PDHX: variants seen among roughly 807,000 people sequenced by gnomAD.
The protein encoded by PDHX is pyruvate dehydrogenase protein X component, mitochondrial.
PDHX carries 33 observed loss-of-function variants against 55.3 expected under a neutral mutation model. The ratio of observed to expected loss-of-function variants is 0.60; its 90% CI spans 0.45 to 0.80. The LOEUF (loss-of-function observed/expected upper bound fraction) is 0.80, where lower values mean the gene tolerates loss of function less well. Ranked by LOEUF, PDHX falls within the 30% of genes least tolerant of loss-of-function variation. The pLI is 0.00. For synonymous variants in PDHX, 226 were observed against 219.4 expected (o/e 1.03, Z -0.27); for missense variants, 622 against 619.9 (o/e 1.00, Z -0.04).
chr11:34,954,044 A>C (rs1854845759), intron 3 of PDHX, among the ~76,000 whole-genome samples: 1 of 152,238 alleles, frequency 6.6e-6, no homozygotes, highest in South Asian at 2.1e-4. Context: ...TAAGATAAAC[A>C]GTATACATTG....
intron 2 of PDHX, among the ~76,000 whole-genome samples, chr11:34,939,896 C>T (rs1336736488): frequency 6.6e-6 from 1 of 151,988 alleles, no homozygotes; most frequent in East Asian, 1.9e-4. Flanking sequence ...CCCACAATTT[C>T]AAAATCTTTT....
intron 1 of PDHX, among the ~76,000 whole-genome samples, chr11:34,923,609 A>C (rs1013282853): frequency 2.0e-5 from 3 of 147,650 alleles, no homozygotes; most frequent in Admixed American, 2.0e-4. Context: ...ACTAGTACAG[A>C]TTTTTTTGTT....
At chr11:34,941,860 G>GCT (rs1343991723) in intron 2 of PDHX, 1 of 154,528 alleles carries the variant, frequency 6.5e-6, no homozygotes, top group East Asian at 1.9e-4. Context: ...CTGGGGAGCG[G>GCT]CCCCCGGGTG....
intron 2 of PDHX, among the ~76,000 whole-genome samples, chr11:34,942,520 G>A (rs146798924): frequency 5.3e-4 from 80 of 152,274 alleles, no homozygotes; most frequent in African/African-American, 1.9e-3. Flanking sequence ...ACTCATATTT[G>A]AATTAGGAGA....
chr11:34,915,941 G>A (rs1018892724), upstream of PDHX: 26 of 527,296 alleles, frequency 4.9e-5, no homozygotes, highest in African/African-American at 5.1e-4. Context: ...AATACCCGGT[G>A]AGGTCACCTA....
At chr11:34,958,221 A>C (rs555116713) in intron 4 of PDHX, among the ~76,000 whole-genome samples, 13 of 152,292 alleles carry the variant, frequency 8.5e-5, no homozygotes, top group African/African-American at 3.1e-4. Context: ...ATCTTCATAA[A>C]GTAGACCTCT....
chr11:34,920,122 A>G (rs1051783757), intron 1 of PDHX, among the ~76,000 whole-genome samples: 1 of 152,228 alleles, frequency 6.6e-6, no homozygotes, highest in African/African-American at 2.4e-5. Flanking sequence ...CAGAGACCAG[A>G]GTGATCATTA....
intron 2 of PDHX, among the ~76,000 whole-genome samples, chr11:34,932,413 A>G (rs752866683): frequency 6.6e-6 from 1 of 152,212 alleles, no homozygotes; most frequent in Non-Finnish European, 1.5e-5. Flanking sequence ...TCAACAAGAA[A>G]GTGGGCGATA....
chr11:34,978,050 A>C, intron 7 of PDHX, 74 bp from the exon 8 acceptor site: 1 of 813,942 alleles, frequency 1.2e-6, no homozygotes, highest in Non-Finnish European at 2.1e-6. Context: ...ATAATTTACA[A>C]GTTTGAAGTT....
intron 2 of PDHX, among the ~76,000 whole-genome samples, chr11:34,946,073 CGTTTT>C (rs926053062): frequency 1.3e-5 from 2 of 152,054 alleles, no homozygotes; most frequent in African/African-American, 4.8e-5. Context: ...TCTGTTTTTT[CGTTTT>C]GTTTTGTTTT....
intron 8 of PDHX, among the ~76,000 whole-genome samples, chr11:34,979,321 A>T (rs1189939440): frequency 1.3e-5 from 2 of 152,076 alleles, no homozygotes; most frequent in African/African-American, 4.8e-5. Flanking sequence ...TGAACATATG[A>T]GCCTGCAGTT....
intron 3 of PDHX, among the ~76,000 whole-genome samples, chr11:34,952,890 G>T (rs1402968051): frequency 6.6e-6 from 1 of 151,242 alleles, no homozygotes; most frequent in Non-Finnish European, 1.5e-5. Flanking sequence ...AGGAAAAGAG[G>T]AAGTCAAATT....
chr11:34,938,773 C>A (rs1854397680), intron 2 of PDHX, among the ~76,000 whole-genome samples: 1 of 152,180 alleles, frequency 6.6e-6, no homozygotes, highest in South Asian at 2.1e-4. Flanking sequence ...AAAGAGCCAG[C>A]AGACATATGG....
intron 3 of PDHX, among the ~76,000 whole-genome samples, chr11:34,952,077 A>G (rs1435556065): frequency 6.6e-6 from 1 of 152,220 alleles, no homozygotes; most frequent in African/African-American, 2.4e-5. Flanking sequence ...TACACAAATA[A>G]ACTAGAAAAT....
At chr11:34,946,711 A>T (rs1249683770) in intron 2 of PDHX, among the ~76,000 whole-genome samples, 2 of 152,194 alleles carry the variant, frequency 1.3e-5, no homozygotes. Context: ...AGTCTCAGTC[A>T]ACAGGTTTTG....
At chr11:34,917,446 T>C (rs568029925) in intron 1 of PDHX, among the ~76,000 whole-genome samples, 12 of 152,328 alleles carry the variant, frequency 7.9e-5, no homozygotes, top group South Asian at 2.1e-4. Flanking sequence ...TGTTTAGTAA[T>C]GATATTGATG....
chr11:34,947,472 T>A (rs1854648205), intron 2 of PDHX, 34 bp from the exon 3 acceptor site: 1 of 1,430,154 alleles, frequency 7.0e-7, no homozygotes, highest in Non-Finnish European at 9.9e-7. Flanking sequence ...ATTTATATTT[T>A]AAAAAACAAA....
chr11:34,923,902 G>A (rs16926479), intron 1 of PDHX, among the ~76,000 whole-genome samples: 8,429 of 152,240 alleles, frequency 0.055, 382 homozygotes, highest in African/African-American at 0.12. Context: ...TGGTTTTCAA[G>A]TATGAAATGT....
chr11:34,948,069 A>C (rs1854666487), intron 3 of PDHX, among the ~76,000 whole-genome samples: 1 of 152,214 alleles, frequency 6.6e-6, no homozygotes, highest in Non-Finnish European at 1.5e-5. Context: ...GTTATTAGTT[A>C]CGTAATGATA....
Sources: allele counts gnomAD v4.1 joint callset (sites outside exome capture counted in the v4.1 genomes callset), GRCh38; gene constraint gnomAD v4.1.1; transcripts MANE v1.5; gene names NCBI Gene and HGNC (gene_info 2026-07-23, HGNC 2026-07-21).